FGD6: variants seen among roughly 807,000 people sequenced by gnomAD.
FGD6 encodes the protein FYVE, RhoGEF and PH domain containing 6.
A neutral mutation model predicts 149.4 loss-of-function variants in FGD6; 90 were observed. The ratio of observed to expected loss-of-function variants is 0.60; its 90% confidence interval spans 0.51 to 0.72. The LOEUF (loss-of-function observed/expected upper bound fraction) is 0.72, where lower values mean the gene tolerates loss of function less well. FGD6 is among the 30% of genes least tolerant of loss of function. The probability of loss-of-function intolerance (pLI) is 0.00; values close to 1 mark genes in which losing one functional copy is unlikely to be tolerated. For synonymous variants in FGD6, 527 were observed against 584.0 expected, an observed-to-expected ratio of 0.90 and a Z score of 1.41; for missense variants, 1,437 against 1,684.8, an observed-to-expected ratio of 0.85 and a Z score of 2.57.
intron 3 of FGD6, among the ~76,000 whole-genome samples, chr12:95,164,274 C>A (rs1008497538): frequency 3.4e-5 from 5 of 147,236 alleles, no homozygotes; most frequent in Non-Finnish European, 5.9e-5. Context: ...CGGAGTCTCG[C>A]TCTGTCACCC....
At position 95,085,843 on chromosome 12, in the gene FGD6, T is replaced by G; in HGVS notation, c.4044A>C (p.Lys1348Asn). 6.2e-7 allele frequency: 1 copy of G among 1,613,828 alleles called. No homozygotes were observed. The highest frequency in any genetic ancestry group is 1.1e-5 in the South Asian group (1 of 91,038). ...GYLYRSKGNK[K>N]PWKHFWFVIK... ...TGACAAACCAAAAGTGTTTCCAGGGTTTTTTATTGCCCTTTGATCTGTACA... is the reference window on the plus strand; with the variant it reads ...TGACAAACCAAAAGTGTTTCCAGGGGTTTTTATTGCCCTTTGATCTGTACA... Residue 1348 changes from lysine to asparagine, a missense_variant, in exon 19 of 21, where the codon AAA (lysine) becomes AAC (asparagine). Physicochemically the swap from Lys to Asn is moderately conservative, Grantham distance 94 (BLOSUM62 0). Around this residue, in one of 2 missense-constraint regions of FGD6, gnomAD observed 382 missense variants for 538.7 expected, o/e 0.71. Transcript: ENST00000343958.
chr12:95,146,662 G>A (rs1196095531), intron 5 of FGD6, among the ~76,000 whole-genome samples: 1 of 152,126 alleles, frequency 6.6e-6, no homozygotes, highest in Non-Finnish European at 1.5e-5. Flanking sequence ...CTACACTGTA[G>A]TTTCTGGTCA....
Position 95,111,757 on chromosome 12 carries a change from G to A in FGD6, c.3133+1894C>T, listed in dbSNP as rs554165693. Among the ~76,000 whole-genome samples, 5 of 152,074 alleles carry A rather than the reference G, an allele frequency of 3.3e-5. No individual in the cohort carries two copies. The South Asian group carries it at 8.3e-4, about 25-fold the overall frequency. ...TCATCAACTAGATATGATCACTGAA[G>A]ACAGGAAACTTGTCAGATCCCCAAC... On this transcript the variant is annotated intron_variant, in intron 9 of 20. Transcript: ENST00000343958.
chr12:95,123,146 C>G (rs530941848), intron 8 of FGD6, among the ~76,000 whole-genome samples: 3 of 151,432 alleles, frequency 2.0e-5, no homozygotes, highest in African/African-American at 7.3e-5. Flanking sequence ...CCCTCCTCAC[C>G]AGGGCACAAA....
chr12:95,115,816 G>A (rs929408755), intron 8 of FGD6, among the ~76,000 whole-genome samples: 8 of 152,214 alleles, frequency 5.3e-5, no homozygotes, highest in South Asian at 4.1e-4. Context: ...ACAAACACGC[G>A]CCCAATTGCT....
chr12:95,085,701 G>T, intron 19 of FGD6, 79 bp downstream of exon 19: 4 of 1,438,984 alleles, frequency 2.8e-6, no homozygotes, highest in Non-Finnish European at 3.7e-6. Flanking sequence ...TAAAATAAAT[G>T]GATTTTTAAA....
chr12:95,209,791 T>C lies in FGD6; in HGVS notation c.1493A>G (p.Lys498Arg). 6.2e-7 allele frequency: 1 copy of C among 1,611,708 alleles called. No individual in the cohort carries two copies. Among genetic ancestry groups the C allele is most frequent in the Non-Finnish European group, 8.5e-7 (1 of 1,179,516 alleles). ...AGCAGGCAAGCTATGTCTTTGAGGT[T>C]TTTTGGGGACAATTCGTAGAGAATT... is the stretch of plus-strand genomic sequence containing the variant. ...EENSLRIVPK[K>R]PQRHSLPATG... The change falls in exon 2 of 21, where the codon AAA becomes AGA. Residue 498 changes from lysine to arginine, a missense_variant. By Grantham distance (26) the Lys-to-Arg change is conservative. This residue lies in a region of FGD6 where 1,055 missense variants were observed against 1,146.0 expected (regional missense o/e 0.92). Coordinates refer to ENST00000343958, the MANE Select transcript of FGD6 (RefSeq NM_018351.4).
chr12:95,099,360 G>C (rs567817554), intron 14 of FGD6, among the ~76,000 whole-genome samples: 6 of 152,152 alleles, frequency 3.9e-5, no homozygotes, highest in Non-Finnish European at 7.3e-5. Flanking sequence ...CGTGCTGATG[G>C]AGCATGCAGT....
At chr12:95,196,248 A>T (rs1227691002) in intron 2 of FGD6, among the ~76,000 whole-genome samples, 1 of 152,272 alleles carries the variant, frequency 6.6e-6, no homozygotes, top group Non-Finnish European at 1.5e-5. Context: ...TAATTAGCAC[A>T]GTAACAGCAG....
At position 95,090,235 on chromosome 12, in the gene FGD6, A is replaced by G. The variant is rs185452195; in HGVS notation, c.3851-539T>C. On this transcript the variant is annotated intron_variant, in intron 17 of 20. Coordinates refer to ENST00000343958, the MANE Select transcript of FGD6 (RefSeq NM_018351.4). ...GAACACTGTGCGCTAAGAGGTCAGCATGAGCAAAGGCAGAGAGGTATGAAA... is the reference window on the plus strand; with the variant it reads ...GAACACTGTGCGCTAAGAGGTCAGCGTGAGCAAAGGCAGAGAGGTATGAAA... 2.8e-3 allele frequency among the ~76,000 whole-genome samples: 433 copies of G among 152,246 alleles called. 1 individual carries two copies. The highest frequency in any genetic ancestry group is 2.2e-3 in the Non-Finnish European group (152 of 68,022).
At chr12:95,096,264 C>T (rs1409597567) in intron 14 of FGD6, among the ~76,000 whole-genome samples, 1 of 152,020 alleles carries the variant, frequency 6.6e-6, no homozygotes, top group Non-Finnish European at 1.5e-5. Context: ...TTTTAGAGAA[C>T]CCAGGTCAGA....
intron 10 of FGD6, 40 bp downstream of exon 10, chr12:95,108,463 G>A: frequency 6.2e-7 from 1 of 1,613,756 alleles, no homozygotes; most frequent in Non-Finnish European, 8.5e-7. Flanking sequence ...TGGGCTTTCA[G>A]GTTCAAGACC....
chr12:95,172,466 G>T, intron 3 of FGD6, 134 bp downstream of exon 3: 1 of 751,892 alleles, frequency 1.3e-6, no homozygotes, highest in Non-Finnish European at 2.0e-6. Context: ...ATTATAGCAG[G>T]AATTAAATTT....
rs546770977 is a variant in FGD6, at chr12:95,198,942, C to T, written c.2441+9901G>A. ...AGTTTCTGCCTGGTTTGAATATTCA[C>T]CTTGCTGAAATCACCATTTTAAAAA... is the stretch of plus-strand genomic sequence containing the variant. On this transcript the variant is annotated intron_variant, in intron 2 of 20. Coordinates refer to ENST00000343958, the MANE Select transcript of FGD6 (RefSeq NM_018351.4). Among the ~76,000 whole-genome samples the T allele has an allele frequency of 3.3e-5, 5 of 152,110 alleles. No individual in the cohort carries two copies. In the South Asian group the frequency reaches 8.3e-4, roughly 25 times the overall value.
intron 8 of FGD6, among the ~76,000 whole-genome samples, chr12:95,129,589 G>T (rs962179082): frequency 2.0e-5 from 3 of 152,170 alleles, no homozygotes; most frequent in African/African-American, 7.2e-5. Flanking sequence ...TAAGAAAACA[G>T]ATAAGTCTGT....
At chr12:95,172,305 G>A (rs1881017342) in intron 3 of FGD6, among the ~76,000 whole-genome samples, 1 of 152,132 alleles carries the variant, frequency 6.6e-6, no homozygotes, top group Admixed American at 6.5e-5. Context: ...GAACCCGGGA[G>A]GTAAAGGTTG....
intron 15 of FGD6, 44 bp from the exon 16 acceptor site, chr12:95,092,889 C>T (rs1878104936): frequency 6.4e-7 from 1 of 1,565,006 alleles, no homozygotes; most frequent in Non-Finnish European, 8.7e-7. Context: ...TGCACACTGC[C>T]TGCCTTTTTA....
chr12:95,183,916 G>C (rs1014961556), intron 2 of FGD6, among the ~76,000 whole-genome samples: 25 of 152,162 alleles, frequency 1.6e-4, no homozygotes, highest in African/African-American at 5.8e-4. Flanking sequence ...CAGGTGCACT[G>C]GCAGATTTTA....
intron 14 of FGD6, 27 bp from the exon 15 acceptor site, chr12:95,094,721 C>T: frequency 6.6e-7 from 1 of 1,521,634 alleles, no homozygotes; most frequent in African/African-American, 1.4e-5. Flanking sequence ...GTTTCATCAA[C>T]CAGATGTCAG....
Sources: gnomAD v4.1 joint callset for allele counts (sites outside exome capture counted in the v4.1 genomes callset) on GRCh38, gnomAD v4.1.1 for gene constraint, gnomAD v4.1.1 regional missense constraint, MANE v1.5 for transcripts, NCBI Gene and HGNC (gene_info 2026-07-23, HGNC 2026-07-21) for gene names.